Variants in PHACTR1 observed in about 807,000 individuals in gnomAD.
The protein encoded by PHACTR1 is RPEL repeat containing 1.
A neutral mutation model predicts 69.2 loss-of-function variants in PHACTR1; 16 were observed. The ratio of observed to expected loss-of-function variants is 0.23; its 90% confidence interval spans 0.16 to 0.35. The LOEUF (loss-of-function observed/expected upper bound fraction) is 0.35. Among genes scored for constraint, PHACTR1 ranks in the 10% least tolerant of loss-of-function variants. The probability of loss-of-function intolerance (pLI) is 1.00; values close to 1 mark genes in which losing one functional copy is unlikely to be tolerated. For missense variants in PHACTR1, 510 were observed against 734.7 expected (o/e 0.69, Z 3.54); for synonymous variants, 312 against 284.5 (o/e 1.10, Z -0.97).
In PHACTR1 at chr6:12,821,187, C is replaced by T. The variant is rs147314122; in HGVS notation, c.250+71397C>T. Among the ~76,000 whole-genome samples the T allele has an allele frequency of 7.0e-3, 1,058 of 152,170 alleles. 17 individuals carry two copies. The highest frequency in any genetic ancestry group is 0.024 in the African/African-American group (1,007 of 41,506). Reference sequence around the variant, plus strand: ...CATGAGAAGCTGACCACTGGCCAGGCGTGGTGGCTGACGCCTGTAATCCTA... The same window carrying T: ...CATGAGAAGCTGACCACTGGCCAGGTGTGGTGGCTGACGCCTGTAATCCTA... On this transcript the variant is annotated intron_variant, in intron 4 of 14. Coordinates refer to ENST00000332995, the MANE Select transcript of PHACTR1 (RefSeq NM_030948.6).
At chr6:13,200,845 C>T (rs1259467934) in intron 7 of PHACTR1, among the ~76,000 whole-genome samples, 4 of 149,060 alleles carry the variant, frequency 2.7e-5, no homozygotes, top group African/African-American at 9.9e-5. Flanking sequence ...GAGGCTGAGG[C>T]AGGAAAATCA....
intron 4 of PHACTR1, among the ~76,000 whole-genome samples, chr6:12,778,777 A>G (rs1303256083): frequency 2.0e-5 from 3 of 152,210 alleles, no homozygotes; most frequent in Non-Finnish European, 2.9e-5. Flanking sequence ...TAATAGCACA[A>G]ATTTTTGAAA....
chr6:13,106,812 T>C (rs981552834), intron 5 of PHACTR1, among the ~76,000 whole-genome samples: 2 of 152,226 alleles, frequency 1.3e-5, no homozygotes, highest in Non-Finnish European at 2.9e-5. Flanking sequence ...TTTCTCCTTT[T>C]TTCTATCAAA....
At chr6:13,014,000 T>G (rs1391827436) in intron 4 of PHACTR1, among the ~76,000 whole-genome samples, 2 of 151,864 alleles carry the variant, frequency 1.3e-5, no homozygotes, top group Admixed American at 1.3e-4. Flanking sequence ...AGAAAGCTTT[T>G]TATTTGCTGA....
chr6:12,794,063 T>C (rs538395961), intron 4 of PHACTR1, among the ~76,000 whole-genome samples: 1 of 152,358 alleles, frequency 6.6e-6, no homozygotes, highest in South Asian at 2.1e-4. Context: ...ACTTAGCAGC[T>C]GGGTGACCTT....
intron 8 of PHACTR1, among the ~76,000 whole-genome samples, chr6:13,226,736 T>G (rs1466488007): frequency 6.7e-6 from 1 of 149,168 alleles, no homozygotes; most frequent in African/African-American, 2.5e-5. Context: ...CAAACTTGTA[T>G]AGATTTTTTT....
intron 5 of PHACTR1, among the ~76,000 whole-genome samples, chr6:13,092,177 T>A (rs1173843005): frequency 6.6e-6 from 1 of 152,122 alleles, no homozygotes; most frequent in Non-Finnish European, 1.5e-5. Flanking sequence ...TGATGGGCAG[T>A]GGCTGTAAAT....
At chr6:13,054,608 G>A (rs1271564230) in intron 5 of PHACTR1, among the ~76,000 whole-genome samples, 4 of 152,188 alleles carry the variant, frequency 2.6e-5, no homozygotes, top group Admixed American at 1.3e-4. Flanking sequence ...TGTGCACAGA[G>A]AGAGCATGTA....
chr6:12,900,603 G>C (rs1359882286), intron 4 of PHACTR1, among the ~76,000 whole-genome samples: 1 of 152,136 alleles, frequency 6.6e-6, no homozygotes, highest in East Asian at 1.9e-4. Flanking sequence ...GCGGCTGAGT[G>C]GGGAGGATTA....
At chr6:13,056,736 T>A (rs1806845138) in intron 5 of PHACTR1, among the ~76,000 whole-genome samples, 1 of 152,128 alleles carries the variant, frequency 6.6e-6, no homozygotes, top group Admixed American at 6.5e-5. Context: ...GGTGGAAAAT[T>A]ACTAAAAGGA....
At chr6:12,805,521 C>G (rs1774202350) in intron 4 of PHACTR1, among the ~76,000 whole-genome samples, 1 of 152,150 alleles carries the variant, frequency 6.6e-6, no homozygotes, top group African/African-American at 2.4e-5. Flanking sequence ...AATGGCTATT[C>G]TCTGAAAGAT....
At chr6:12,926,110 C>T (rs1788246184) in intron 4 of PHACTR1, among the ~76,000 whole-genome samples, 1 of 152,144 alleles carries the variant, frequency 6.6e-6, no homozygotes, top group Non-Finnish European at 1.5e-5. Flanking sequence ...CTCTGAACTC[C>T]TAAATGCTGC....
At chr6:12,936,156 C>CCTTATGTTA (rs1310259013) in intron 4 of PHACTR1, among the ~76,000 whole-genome samples, 1 of 151,882 alleles carries the variant, frequency 6.6e-6, no homozygotes, top group Non-Finnish European at 1.5e-5. Context: ...CATCCAAATC[C>CCTTATGTTA]CTTATGTTAC....
chr6:13,106,198 T>C (rs748716725), intron 5 of PHACTR1, among the ~76,000 whole-genome samples: 1 of 152,240 alleles, frequency 6.6e-6, no homozygotes, highest in Non-Finnish European at 1.5e-5. Context: ...ACATTGTTTT[T>C]AGGATATTCT....
chr6:12,718,777 T>A lies in PHACTR1; in HGVS notation c.33T>A (p.Asp11Glu). 1 of 1,570,192 alleles carries A rather than the reference T, an allele frequency of 6.4e-7. No individual in the cohort carries two copies. Among genetic ancestry groups the A allele is most frequent in the Non-Finnish European group, 8.7e-7 (1 of 1,154,840 alleles). Residue 11 changes from aspartate (D) to glutamate (E), a missense_variant, in exon 3 of 15, where the codon GAT (aspartate) becomes GAA (glutamate). By Grantham distance (45) the Asp-to-Glu change is conservative (BLOSUM62 2). Around this residue, in one of 2 missense-constraint regions of PHACTR1, gnomAD observed 419 missense variants for 530.9 expected, o/e 0.79. Transcript: ENST00000332995. ...ATCCCAAAATGGATTATTTTCTGGATGTAGAGTCTGCTCACAGACTCTTGG... is the reference window on the plus strand; with the variant it reads ...ATCCCAAAATGGATTATTTTCTGGAAGTAGAGTCTGCTCACAGACTCTTGG... MDYPKMDYFLDVESAHRLLDV... is the reference protein window; with the variant it reads MDYPKMDYFLEVESAHRLLDV...
At chr6:13,190,896 A>G (rs571584388) in intron 7 of PHACTR1, among the ~76,000 whole-genome samples, 1 of 152,202 alleles carries the variant, frequency 6.6e-6, no homozygotes, top group African/African-American at 2.4e-5. Context: ...GGTGTCCATG[A>G]CCTGTGTTAT....
chr6:12,816,996 T>G (rs370783468), intron 4 of PHACTR1, among the ~76,000 whole-genome samples: 26 of 152,274 alleles, frequency 1.7e-4, no homozygotes, highest in Non-Finnish European at 2.5e-4. Flanking sequence ...GTTGTGTGTG[T>G]GGGGGTGCAT....
intron 4 of PHACTR1, among the ~76,000 whole-genome samples, chr6:13,022,734 C>T (rs1032323214): frequency 6.6e-6 from 1 of 152,058 alleles, no homozygotes; most frequent in African/African-American, 2.4e-5. Flanking sequence ...AGTATCTCTC[C>T]TGTCTGGGTG....
intron 4 of PHACTR1, among the ~76,000 whole-genome samples, chr6:13,023,465 C>A (rs1561705635): frequency 6.6e-6 from 1 of 152,184 alleles, no homozygotes; most frequent in Non-Finnish European, 1.5e-5. Flanking sequence ...TATTTTGCAA[C>A]CCACAAAAGT....
Sources: allele counts gnomAD v4.1 joint callset (sites outside exome capture counted in the v4.1 genomes callset), GRCh38; gene constraint gnomAD v4.1.1; regional missense constraint gnomAD v4.1.1; transcripts MANE v1.5; gene names NCBI Gene and HGNC (gene_info 2026-07-23, HGNC 2026-07-21).